ATP2B2: variants seen among roughly 807,000 people sequenced by gnomAD.
ATP2B2 encodes the protein plasma membrane calcium-transporting ATPase 2.
ATP2B2 carries 15 observed loss-of-function variants against 120.0 expected under a neutral mutation model. The observed-to-expected ratio is 0.12, with a 90% confidence interval of 0.08 to 0.19. ATP2B2 has a LOEUF of 0.19. ATP2B2 is among the 10% of genes least tolerant of loss of function. The pLI is 1.00. For synonymous variants in ATP2B2, 694 were observed against 700.3 expected (o/e 0.99, Z 0.14); for missense variants, 1,045 against 1,719.8 (o/e 0.61, Z 6.94).
At chr3:10,655,585 C>T (rs1282362555) in intron 1 of ATP2B2, among the ~76,000 whole-genome samples, 1 of 152,158 alleles carries the variant, frequency 6.6e-6, no homozygotes, top group Non-Finnish European at 1.5e-5. Flanking sequence ...TCCCAGAGCC[C>T]ATCAAATCCA....
intron 2 of ATP2B2, among the ~76,000 whole-genome samples, chr3:10,588,736 T>G (rs1466216770): frequency 6.6e-6 from 1 of 152,166 alleles, no homozygotes. Flanking sequence ...TCACGGAGTC[T>G]CTACCACAAT....
chr3:10,561,128 A>AACT (rs1265771551), intron 2 of ATP2B2, among the ~76,000 whole-genome samples: 22 of 152,174 alleles, frequency 1.4e-4, no homozygotes, highest in Non-Finnish European at 5.9e-5. Context: ...GTCATTGTGT[A>AACT]GTTATCTGTG....
intron 1 of ATP2B2, among the ~76,000 whole-genome samples, chr3:10,677,968 C>T (rs1217981399): frequency 6.6e-6 from 1 of 152,086 alleles, no homozygotes; most frequent in African/African-American, 2.4e-5. Flanking sequence ...TGGACATGCC[C>T]ATTTACAGAT....
At chr3:10,652,827 GA>G (rs1407430990) in intron 1 of ATP2B2, among the ~76,000 whole-genome samples, 2 of 152,204 alleles carry the variant, frequency 1.3e-5, no homozygotes, top group Non-Finnish European at 2.9e-5. Flanking sequence ...TATGCTGAGT[GA>G]AATAAGCCGG....
intron 3 of ATP2B2, among the ~76,000 whole-genome samples, chr3:10,513,577 T>G (rs1412156503): frequency 1.3e-5 from 2 of 152,146 alleles, no homozygotes; most frequent in African/African-American, 4.8e-5. Flanking sequence ...TGTCTTGCCT[T>G]CCGCAGGTCC....
intron 3 of ATP2B2, among the ~76,000 whole-genome samples, chr3:10,407,677 T>C (rs1345883334): frequency 6.6e-6 from 1 of 152,206 alleles, no homozygotes; most frequent in Non-Finnish European, 1.5e-5. Flanking sequence ...GTGGCTCTAA[T>C]ATGCTCACAC....
At chr3:10,515,917 G>C (rs9838451) in intron 3 of ATP2B2, among the ~76,000 whole-genome samples, 5,709 of 152,236 alleles carry the variant, frequency 0.038, 206 homozygotes, top group Middle Eastern at 0.099. Flanking sequence ...CAAGCAGGAC[G>C]TAAGTATCTC....
rs1044620311 is a variant in ATP2B2, at chr3:10,401,249, A to G, written c.656-171T>C. 4.6e-5 allele frequency among the ~76,000 whole-genome samples: 7 copies of G among 152,206 alleles called. No homozygotes were observed. The South Asian group carries it at 1.5e-3, about 32-fold the overall frequency. ...CCCATAGAAGGCCCATGTACAGCTC[A>G]ACACTGGAGCTAAGGTACACAGCAC... On this transcript the variant is annotated intron_variant, in intron 4 of 22. Coordinates refer to ENST00000360273, the MANE Select transcript of ATP2B2 (RefSeq NM_001001331.4).
intron 1 of ATP2B2, among the ~76,000 whole-genome samples, chr3:10,494,121 G>T (rs1209719359): frequency 2.0e-5 from 3 of 152,126 alleles, no homozygotes; most frequent in Non-Finnish European, 2.9e-5. Context: ...AGAGTGACAG[G>T]CCTGGTGGAC....
At chr3:10,708,056 G>GCCGCCGCCCGC (rs1559529391), upstream of ATP2B2, 1 of 37,742 alleles carries the variant, frequency 2.6e-5, no homozygotes, top group African/African-American at 1.1e-4. Context: ...CCGCGGCCCC[G>GCCGCCGCCCGC]CCGCCGCCCG....
chr3:10,559,655 C>T (rs1030547008), intron 2 of ATP2B2, among the ~76,000 whole-genome samples: 42 of 152,138 alleles, frequency 2.8e-4, no homozygotes, highest in African/African-American at 8.9e-4. Flanking sequence ...TGCCTCCAAG[C>T]CCCCCGACTT....
chr3:10,422,223 C>T (rs1048607048), intron 2 of ATP2B2, among the ~76,000 whole-genome samples: 1 of 152,210 alleles, frequency 6.6e-6, no homozygotes, highest in Non-Finnish European at 1.5e-5. Flanking sequence ...CTCCTGCACA[C>T]ATGGGTGGCC....
In ATP2B2 at chr3:10,346,177, G is replaced by A; in HGVS notation, c.2405-40C>T. The A allele has an allele frequency of 6.3e-7, 1 of 1,597,964 alleles. No homozygotes were observed. ...GTGTGCTCAGGCCCTGGGCCACTCAGGTGGGAGGCAGCCTGGGCCAGCCCT... is the reference window on the plus strand; with the variant it reads ...GTGTGCTCAGGCCCTGGGCCACTCAAGTGGGAGGCAGCCTGGGCCAGCCCT... On this transcript the variant is annotated intron_variant, in intron 16 of 22. Transcript: ENST00000360273. The surrounding 1 kb of genome is among the most constrained non-coding windows in gnomAD (Gnocchi z 4.1).
At chr3:10,405,880 T>G (rs1011526838) in intron 3 of ATP2B2, among the ~76,000 whole-genome samples, 11 of 152,214 alleles carry the variant, frequency 7.2e-5, no homozygotes, top group African/African-American at 2.7e-4. Flanking sequence ...TTTGGCACTC[T>G]GGCACTGGGG....
At chr3:10,481,832 G>A (rs1439095282) in intron 1 of ATP2B2, among the ~76,000 whole-genome samples, 10 of 152,194 alleles carry the variant, frequency 6.6e-5, no homozygotes, top group Non-Finnish European at 1.5e-5. Context: ...GGGATTACAG[G>A]TGTGAGCCAC....
chr3:10,564,707 G>T (rs760282850), intron 2 of ATP2B2, among the ~76,000 whole-genome samples: 36 of 152,212 alleles, frequency 2.4e-4, no homozygotes, highest in Admixed American at 3.3e-4. Context: ...CTTTAGGAAT[G>T]ATGGCAATGA....
At chr3:10,531,704 C>T (rs1043250544) in intron 3 of ATP2B2, among the ~76,000 whole-genome samples, 1 of 152,176 alleles carries the variant, frequency 6.6e-6, no homozygotes, top group African/African-American at 2.4e-5. Flanking sequence ...TTGCTTTCCT[C>T]TTCTGTGAAA....
intron 3 of ATP2B2, among the ~76,000 whole-genome samples, chr3:10,516,772 A>G (rs964263141): frequency 6.6e-5 from 10 of 152,244 alleles, no homozygotes; most frequent in South Asian, 2.1e-4. Flanking sequence ...TGCCGTGCCC[A>G]CAGCCTTCCT....
At chr3:10,620,047 C>T (rs1346490230) in intron 1 of ATP2B2, 4 of 152,218 alleles carry the variant, frequency 2.6e-5, no homozygotes, top group African/African-American at 9.7e-5. Flanking sequence ...TCAGATCTGA[C>T]TGAAACAGTT....
Sources: gnomAD v4.1 joint callset for allele counts (sites outside exome capture counted in the v4.1 genomes callset) on GRCh38, gnomAD v4.1.1 for gene constraint, Gnocchi (gnomAD v3.1) non-coding constraint, MANE v1.5 for transcripts, NCBI Gene and HGNC (gene_info 2026-07-23, HGNC 2026-07-21) for gene names.